Variants in NCOR2 observed in about 807,000 individuals in gnomAD.
NCOR2 encodes the protein CTG repeat protein 26.
NCOR2 carries 81 observed loss-of-function variants against 262.9 expected under a neutral mutation model. The ratio of observed to expected loss-of-function variants is 0.31; its 90% CI spans 0.26 to 0.37. NCOR2 has a LOEUF of 0.37. Among genes scored for constraint, NCOR2 ranks in the 10% least tolerant of loss-of-function variants. The probability of loss-of-function intolerance (pLI) is 1.00; values close to 1 mark genes in which losing one functional copy is unlikely to be tolerated. For missense variants in NCOR2, 3,385 were observed against 3,621.4 expected (o/e 0.93, Z 1.68); for synonymous variants, 1,659 against 1,559.3 (o/e 1.06, Z -1.51).
At chr12:124,325,379 C>CA in exon 47 of NCOR2, 7 of 317,186 alleles carry the variant, frequency 2.2e-5, no homozygotes, top group African/African-American at 3.0e-5. Flanking sequence ...CTGACACCGC[C>CA]CCCCCCCCCG....
At chr12:124,519,257 G>C (rs2050039632) in intron 1 of NCOR2, among the ~76,000 whole-genome samples, 1 of 152,164 alleles carries the variant, frequency 6.6e-6, no homozygotes, top group Admixed American at 6.5e-5. Flanking sequence ...GGGGCAGGCT[G>C]AGCTCTGCTT....
At chr12:124,442,984 G>A (rs1593564003) in intron 7 of NCOR2, among the ~76,000 whole-genome samples, 1 of 152,198 alleles carries the variant, frequency 6.6e-6, no homozygotes, top group Non-Finnish European at 1.5e-5. Context: ...CAAGGAGGCC[G>A]GCAGCCGCCA....
intron 1 of NCOR2, among the ~76,000 whole-genome samples, chr12:124,490,123 G>A (rs1424276866): frequency 6.6e-6 from 1 of 152,088 alleles, no homozygotes; most frequent in East Asian, 1.9e-4. Flanking sequence ...TGCACATACT[G>A]TTCCTGCTGC....
At chr12:124,398,204 T>C (rs545661789) in intron 15 of NCOR2, 23 bp from the exon 18 acceptor site, 4 of 1,613,632 alleles carry the variant, frequency 2.5e-6, no homozygotes, top group Admixed American at 1.7e-5. Context: ...TGCCAGGTTA[T>C]TGGCAGGAGC....
At chr12:124,541,995 G>C (rs1341636651) in intron 1 of NCOR2, among the ~76,000 whole-genome samples, 1 of 151,578 alleles carries the variant, frequency 6.6e-6, no homozygotes, top group Non-Finnish European at 1.5e-5. Context: ...ACGTGCTCCA[G>C]TGGAACACAT....
chr12:124,531,924 C>T lies in NCOR2; in HGVS notation c.-118+3641G>A, dbSNP rs527440279. The stretch of plus-strand genomic sequence containing the variant: ...GCTGAAGAATCCACTCACAGAGTTT[C>T]GAGTCACGGGCAACCCACTTTTGGG... On this transcript the variant is annotated intron_variant, in intron 1 of 46. Coordinates refer to the NCOR2 transcript ENST00000404621. This position sits in a 1 kb window ranked among gnomAD's most constrained non-coding sequence, Gnocchi z 4.5. Among the ~76,000 whole-genome samples the T allele has an allele frequency of 1.3e-3, 197 of 150,284 alleles. No homozygotes were observed. The highest frequency in any genetic ancestry group is 3.4e-3 in the African/African-American group (137 of 40,788).
At chr12:124,526,322 C>T (rs2137120828) in intron 1 of NCOR2, among the ~76,000 whole-genome samples, 1 of 152,328 alleles carries the variant, frequency 6.6e-6, no homozygotes, top group South Asian at 2.1e-4. Flanking sequence ...AACCCCCACT[C>T]CCATCCAAGC....
rs190323098 is a variant in NCOR2 at position 124,367,447 on chromosome 12, C to T, written c.2808-3648G>A. On this transcript the variant is annotated intron_variant, in intron 20 of 46. Transcript: ENST00000405201. Reference sequence around the variant, plus strand: ...GCTGGGTTCAAGTTCTCGAGGGGAACGAGAGTCCTAAGCCCCCAGAGGGAG... The same window carrying T: ...GCTGGGTTCAAGTTCTCGAGGGGAATGAGAGTCCTAAGCCCCCAGAGGGAG... Among the ~76,000 whole-genome samples the T allele has an allele frequency of 5.3e-5, 8 of 152,156 alleles. No individual in the cohort carries two copies. In the East Asian group the frequency reaches 7.7e-4, roughly 15 times the overall value.
chr12:124,480,121 C>T (rs569449740), intron 3 of NCOR2, among the ~76,000 whole-genome samples: 3 of 152,358 alleles, frequency 2.0e-5, no homozygotes, highest in South Asian at 2.1e-4. Context: ...CCAATCCGGC[C>T]GCACTGGGCA....
chr12:124,433,888 ACACACACACACG>A (rs1385070914), intron 8 of NCOR2, among the ~76,000 whole-genome samples: 1 of 123,890 alleles, frequency 8.1e-6, no homozygotes, highest in Non-Finnish European at 1.6e-5. Flanking sequence ...ACACACACAC[ACACACACACACG>A]CACACACACA....
At chr12:124,372,906 G>C (rs1303441742) in intron 19 of NCOR2, among the ~76,000 whole-genome samples, 2 of 152,166 alleles carry the variant, frequency 1.3e-5, no homozygotes, top group East Asian at 3.9e-4. Context: ...ACCCCCGACA[G>C]ATGGAGCCAG....
rs373456001 is a variant in NCOR2 at position 124,333,990 on chromosome 12, ATGTGTGTG to A, written c.6605+426_6605+433del. On this transcript the variant is annotated intron_variant, in intron 41 of 46. Transcript: ENST00000405201. ...CGGGTGCGCATGTGTGCGGGTGTGC[ATGTGTGTG>A]TGTGCGCATGTGTGTGGGTGTGCAT... Among the ~76,000 whole-genome samples, 5 of 148,836 alleles carry A rather than the reference ATGTGTGTG, an allele frequency of 3.4e-5. No individual in the cohort carries two copies. In the East Asian group the frequency reaches 1.0e-3, roughly 30 times the overall value.
exon 20 of NCOR2, chr12:124,372,346 T>A (rs1380968347): frequency 6.6e-7 from 1 of 1,516,048 alleles, no homozygotes; most frequent in East Asian, 2.3e-5. Context: ...GGTCTCCTCC[T>A]CCTTCTCCTC....
chr12:124,353,979 C>T lies in NCOR2; in HGVS notation c.3693+114G>A, dbSNP rs553317755. 2.9e-5 allele frequency: 27 copies of T among 923,810 alleles called. No homozygotes were observed. The South Asian group carries it at 3.1e-4, about 10-fold the overall frequency. The allele number at this position is 923,810 out of a possible 1,614,324, so 57.2% of individuals were successfully genotyped here. A position where few individuals can be genotyped will look rare whatever the true frequency, so the allele number is the denominator to read the frequency against. ...GTTCATGGAGTGAACTGCTGTCCCC[C>T]AGTCATCACCCCATCGGCTGAGGCT... On this transcript the variant is annotated intron_variant, in intron 27 of 46. Transcript: ENST00000405201.
At chr12:124,362,407 C>T (rs2135966088) in intron 21 of NCOR2, 110 bp from the exon 24 acceptor site, 6 of 1,006,768 alleles carry the variant, frequency 6.0e-6, no homozygotes, top group Admixed American at 3.3e-5. Context: ...GGAAAGCCAG[C>T]GACATGCTCA....
intron 3 of NCOR2, among the ~76,000 whole-genome samples, chr12:124,479,816 C>G (rs1225565963): frequency 6.6e-6 from 1 of 152,244 alleles, no homozygotes; most frequent in Non-Finnish European, 1.5e-5. Flanking sequence ...GCAGGTCAAC[C>G]TGGAGGCAGG....
chr12:124,340,938 G>C (rs950632533), intron 34 of NCOR2, among the ~76,000 whole-genome samples, 187 bp from the exon 37 acceptor site: 1 of 152,138 alleles, frequency 6.6e-6, no homozygotes. Flanking sequence ...AGGTTCTCTC[G>C]GTACCACCTC....
chr12:124,347,423 C>T, intron 30 of NCOR2: 1 of 202,562 alleles, frequency 4.9e-6, no homozygotes. Context: ...CACAAAGCTG[C>T]CAAGTTCACA....
chr12:124,480,294 T>A (rs2047380057), intron 3 of NCOR2, among the ~76,000 whole-genome samples: 1 of 152,246 alleles, frequency 6.6e-6, no homozygotes, highest in East Asian at 1.9e-4. Flanking sequence ...GGGGCCCGTG[T>A]CACAGCTGGC....
Sources: allele counts gnomAD v4.1 joint callset (sites outside exome capture counted in the v4.1 genomes callset), GRCh38; gene constraint gnomAD v4.1.1; non-coding constraint Gnocchi (gnomAD v3.1); transcripts MANE v1.5; gene names NCBI Gene and HGNC (gene_info 2026-07-23, HGNC 2026-07-21).